The following CREB5 variants were observed in gnomAD, a reference collection of about 807,000 sequenced individuals.
CREB5 encodes the protein cAMP responsive element binding protein 5.
A neutral mutation model predicts 57.1 loss-of-function variants in CREB5; 19 were observed. That is an observed-to-expected ratio of 0.33 (90% CI 0.23 to 0.49). The LOEUF is 0.49. Ranked by LOEUF, CREB5 falls within the 20% of genes least tolerant of loss-of-function variation. The pLI, the probability that CREB5 is intolerant of heterozygous loss-of-function variation, is 0.99. For missense variants in CREB5, 579 were observed against 671.6 expected (o/e 0.86, Z 1.52); for synonymous variants, 238 against 238.3 (o/e 1.00, Z 0.01).
At chr7:28,383,202 TA>T (rs1787001164) in intron 1 of CREB5, among the ~76,000 whole-genome samples, 1 of 152,120 alleles carries the variant, frequency 6.6e-6, no homozygotes, top group Non-Finnish European at 1.5e-5. Flanking sequence ...GTGTACATGT[TA>T]ATGGTGAGAA....
chr7:28,746,782 C>T (rs1804703087), intron 7 of CREB5, among the ~76,000 whole-genome samples: 1 of 152,170 alleles, frequency 6.6e-6, no homozygotes, highest in Non-Finnish European at 1.5e-5. Context: ...TAAGCACACT[C>T]CCACTGGGTA....
At chr7:28,792,179 CTG>C (rs1006253276) in intron 7 of CREB5, among the ~76,000 whole-genome samples, 61 of 152,218 alleles carry the variant, frequency 4.0e-4, no homozygotes, top group African/African-American at 1.4e-3. Context: ...TTACAATCGC[CTG>C]TAATCCCAGC....
intron 5 of CREB5, among the ~76,000 whole-genome samples, chr7:28,638,116 A>G (rs1393827499): frequency 6.6e-6 from 1 of 152,128 alleles, no homozygotes; most frequent in Admixed American, 6.6e-5. Context: ...TGTTTATCAA[A>G]TTTTGGGGCT....
At chr7:28,468,307 T>C (rs989458652) in intron 1 of CREB5, among the ~76,000 whole-genome samples, 3 of 152,336 alleles carry the variant, frequency 2.0e-5, no homozygotes, top group Non-Finnish European at 2.9e-5. Flanking sequence ...TCACGGTCAC[T>C]GCAGTCTGCT....
chr7:28,797,779 T>C (rs1407841455), intron 7 of CREB5, among the ~76,000 whole-genome samples: 1 of 152,214 alleles, frequency 6.6e-6, no homozygotes, highest in Non-Finnish European at 1.5e-5. Flanking sequence ...ATTTGGGCTT[T>C]TTTAGTAATT....
intron 7 of CREB5, among the ~76,000 whole-genome samples, chr7:28,790,602 G>A (rs946012714): frequency 2.0e-5 from 3 of 152,206 alleles, no homozygotes; most frequent in Non-Finnish European, 4.4e-5. Flanking sequence ...ACATTCAGAT[G>A]GGCTTGGTCC....
At chr7:28,569,198 CTCTG>C (rs1269851354) in intron 4 of CREB5, among the ~76,000 whole-genome samples, 1 of 151,578 alleles carries the variant, frequency 6.6e-6, no homozygotes, top group Non-Finnish European at 1.5e-5. Flanking sequence ...CACTCTGTCC[CTCTG>C]TCTGTAATGT....
intron 5 of CREB5, chr7:28,686,126 TAC>T: frequency 6.2e-7 from 1 of 1,613,448 alleles, no homozygotes; most frequent in South Asian, 1.1e-5. Context: ...GCTCAAATTC[TAC>T]ACACACTCAT....
chr7:28,626,736 A>G (rs967404052), intron 5 of CREB5, among the ~76,000 whole-genome samples: 2 of 152,188 alleles, frequency 1.3e-5, no homozygotes, highest in African/African-American at 4.8e-5. Context: ...GGATCTAAAC[A>G]AGAAGCAAGA....
At chr7:28,696,065 T>A (rs1173859367) in intron 5 of CREB5, among the ~76,000 whole-genome samples, 1 of 152,204 alleles carries the variant, frequency 6.6e-6, no homozygotes, top group Non-Finnish European at 1.5e-5. Context: ...GACAGTGCAG[T>A]GGAGCAGCAT....
chr7:28,799,689 T>G (rs1808254125), intron 7 of CREB5, among the ~76,000 whole-genome samples: 1 of 152,220 alleles, frequency 6.6e-6, no homozygotes, highest in South Asian at 2.1e-4. Context: ...TGCCACGTTT[T>G]CAAGGAAAAT....
At chr7:28,595,597 G>A (rs571650492) in intron 5 of CREB5, among the ~76,000 whole-genome samples, 14 of 152,182 alleles carry the variant, frequency 9.2e-5, no homozygotes, top group African/African-American at 3.4e-4. Flanking sequence ...GTCTTTTAGG[G>A]GTAAATCACT....
chr7:28,686,376 T>C (rs1800911772), intron 5 of CREB5, among the ~76,000 whole-genome samples: 1 of 151,536 alleles, frequency 6.6e-6, no homozygotes, highest in Admixed American at 6.6e-5. Context: ...GCCCCTCCGC[T>C]CCTCTTCTTG....
intron 1 of CREB5, among the ~76,000 whole-genome samples, chr7:28,361,033 C>G (rs1029331947): frequency 6.9e-6 from 1 of 144,242 alleles, no homozygotes; most frequent in Non-Finnish European, 1.6e-5. Flanking sequence ...ACAGAACAGC[C>G]CTCCACAACA....
At position 28,337,120 on chromosome 7, in the gene CREB5, T is replaced by G. The variant is rs541646795; in HGVS notation, c.-25+37679T>G. Among the ~76,000 whole-genome samples the G allele has an allele frequency of 9.2e-5, 14 of 152,262 alleles. No individual in the cohort carries two copies. In the South Asian group the frequency reaches 2.9e-3, roughly 32 times the overall value. On this transcript the variant is annotated intron_variant, in intron 1 of 9. Coordinates refer to the CREB5 transcript ENST00000396299. ...ACTTGTTTTGTGGCCTAACATATGGTCTAGCCTCAAGAATGATCCAAGTGC... is the reference window on the plus strand; with the variant it reads ...ACTTGTTTTGTGGCCTAACATATGGGCTAGCCTCAAGAATGATCCAAGTGC...
chr7:28,818,491 G>A (rs1809569042), intron 10 of CREB5, among the ~76,000 whole-genome samples: 1 of 152,214 alleles, frequency 6.6e-6, no homozygotes, highest in Non-Finnish European at 1.5e-5. Context: ...CCAAGTACCA[G>A]TGGCCTAGCA....
chr7:28,443,239 A>T (rs1789281264), intron 1 of CREB5, among the ~76,000 whole-genome samples: 1 of 152,196 alleles, frequency 6.6e-6, no homozygotes, highest in Admixed American at 6.5e-5. Context: ...TATGAGAGTG[A>T]TGTGGAGTGA....
chr7:28,751,441 C>T (rs982663309), intron 7 of CREB5, among the ~76,000 whole-genome samples: 7 of 152,160 alleles, frequency 4.6e-5, no homozygotes, highest in Admixed American at 2.0e-4. Flanking sequence ...AGGTTAAATT[C>T]GCCATTTCAG....
intron 5 of CREB5, among the ~76,000 whole-genome samples, chr7:28,654,784 T>C (rs951261489): frequency 1.6e-4 from 25 of 152,134 alleles, no homozygotes; most frequent in Non-Finnish European, 2.8e-4. Context: ...GAGGTTCAAA[T>C]GTACACACAC....
Sources: gnomAD v4.1 joint callset for allele counts (sites outside exome capture counted in the v4.1 genomes callset) on GRCh38, gnomAD v4.1.1 for gene constraint, MANE v1.5 for transcripts, NCBI Gene and HGNC (gene_info 2026-07-23, HGNC 2026-07-21) for gene names.